The following PTPRK variants were observed in gnomAD, a reference collection of about 807,000 sequenced individuals.
PTPRK encodes the protein receptor-type tyrosine-protein phosphatase kappa.
A neutral mutation model predicts 178.0 loss-of-function variants in PTPRK; 75 were observed. The observed-to-expected ratio is 0.42, with a 90% CI of 0.35 to 0.51. The LOEUF (loss-of-function observed/expected upper bound fraction) is 0.51, where lower values mean the gene tolerates loss of function less well. Ranked by LOEUF, PTPRK falls within the 20% of genes least tolerant of loss-of-function variation. The probability of loss-of-function intolerance (pLI) is 0.02; values close to 1 mark genes in which losing one functional copy is unlikely to be tolerated. For missense variants in PTPRK, 1,441 were observed against 1,797.8 expected (o/e 0.80, Z 3.59); for synonymous variants, 637 against 620.6 (o/e 1.03, Z -0.39).
chr6:128,184,358 C>T (rs886412993), intron 7 of PTPRK, 74 bp downstream of exon 7: 17 of 1,412,374 alleles, frequency 1.2e-5, no homozygotes, highest in Middle Eastern at 2.4e-4. Flanking sequence ...TGAGAACCTT[C>T]AACACTGCAT....
At chr6:128,057,528 C>T (rs4897239) in intron 13 of PTPRK, among the ~76,000 whole-genome samples, 130,968 of 152,240 alleles carry the variant, frequency 0.86, 56,507 homozygotes, top group East Asian at 1. Flanking sequence ...CCTTAGGAAC[C>T]GAGTCTCTAA....
intron 13 of PTPRK, among the ~76,000 whole-genome samples, chr6:128,017,820 A>ATATATATATG (rs1472085698): frequency 7.2e-6 from 1 of 139,520 alleles, no homozygotes; most frequent in African/African-American, 2.6e-5. Context: ...ATATATATAT[A>ATATATATATG]TATATATATA....
At chr6:128,360,580 T>C (rs1335678251) in intron 2 of PTPRK, among the ~76,000 whole-genome samples, 2 of 152,146 alleles carry the variant, frequency 1.3e-5, no homozygotes, top group African/African-American at 4.8e-5. Context: ...AAGCCAGTAA[T>C]TCACCTCCAA....
At chr6:128,424,445 T>A (rs17055854) in intron 1 of PTPRK, among the ~76,000 whole-genome samples, 2 of 151,980 alleles carry the variant, frequency 1.3e-5, no homozygotes, top group African/African-American at 4.8e-5. Context: ...TACACTATTC[T>A]CAGTCGTATA....
At chr6:128,434,358 A>C (rs558310702) in intron 1 of PTPRK, among the ~76,000 whole-genome samples, 1 of 152,314 alleles carries the variant, frequency 6.6e-6, no homozygotes, top group South Asian at 2.1e-4. Flanking sequence ...CAGTTTCAAA[A>C]CGACTAATAA....
rs1376983192 is a variant in PTPRK, at chr6:128,242,541, T to C, written c.557A>G (p.Gln186Arg). 6.2e-7 allele frequency: 1 copy of C among 1,613,024 alleles called. No individual in the cohort carries two copies. Among genetic ancestry groups the C allele is most frequent in the Non-Finnish European group, 8.5e-7 (1 of 1,179,604 alleles). ...CCTACCACAAGGATAACTCAGTACT[T>C]GGATGTCATCAATGGCAATATAACC... is the stretch of plus-strand genomic sequence containing the variant. ...RSGYIAIDDI[Q>R]VLSYPCDKSP... Residue 186 changes from glutamine (Q) to arginine (R), a missense_variant, in exon 4 of 30, where the codon CAA becomes CGA. By Grantham distance (43) the Gln-to-Arg change is conservative (BLOSUM62 1). This residue lies in a region of PTPRK where 945 missense variants were observed against 1,080.6 expected (regional missense o/e 0.87). Coordinates refer to ENST00000368226, the MANE Select transcript of PTPRK (RefSeq NM_002844.4).
intron 2 of PTPRK, among the ~76,000 whole-genome samples, chr6:128,339,114 A>C (rs1432798568): frequency 6.6e-6 from 1 of 152,186 alleles, no homozygotes; most frequent in Non-Finnish European, 1.5e-5. Context: ...TTTATTATGG[A>C]GCATGGAATG....
chr6:128,331,102 AATTT>A (rs1283727888), intron 2 of PTPRK, among the ~76,000 whole-genome samples: 1 of 152,002 alleles, frequency 6.6e-6, no homozygotes, highest in Non-Finnish European at 1.5e-5. Flanking sequence ...CCACTTACTG[AATTT>A]ATTTGTTTAC....
chr6:128,220,229 A>C (rs150253420), intron 5 of PTPRK, among the ~76,000 whole-genome samples: 32 of 152,330 alleles, frequency 2.1e-4, no homozygotes, highest in Middle Eastern at 3.4e-3. Flanking sequence ...TCAAGGAATA[A>C]ATAGCCAGAA....
chr6:128,157,439 TA>T (rs1798094532), intron 7 of PTPRK, among the ~76,000 whole-genome samples: 1 of 152,012 alleles, frequency 6.6e-6, no homozygotes, highest in Admixed American at 6.6e-5. Context: ...CACAAACCTA[TA>T]AAGAATAACA....
At chr6:128,209,439 T>A (rs1470492095) in intron 6 of PTPRK, among the ~76,000 whole-genome samples, 2 of 152,090 alleles carry the variant, frequency 1.3e-5, no homozygotes, top group African/African-American at 4.8e-5. Context: ...TGCCCTTTAC[T>A]TATCTTCCAC....
chr6:128,129,930 T>C (rs1300497033), intron 7 of PTPRK, among the ~76,000 whole-genome samples: 1 of 152,176 alleles, frequency 6.6e-6, no homozygotes, highest in African/African-American at 2.4e-5. Flanking sequence ...CATTTCTCTA[T>C]ATCTTTTATG....
chr6:128,194,069 ATT>A (rs1804415633), intron 6 of PTPRK, among the ~76,000 whole-genome samples: 1 of 131,816 alleles, frequency 7.6e-6, no homozygotes. Flanking sequence ...TATATATATT[ATT>A]ATTATTATTA....
At chr6:128,173,939 A>G (rs1019154547) in intron 7 of PTPRK, among the ~76,000 whole-genome samples, 2 of 152,002 alleles carry the variant, frequency 1.3e-5, no homozygotes, top group African/African-American at 4.8e-5. Flanking sequence ...TCTTTAAAAA[A>G]TGTATTCCCT....
intron 26 of PTPRK, 70 bp downstream of exon 26, chr6:127,976,853 G>T: frequency 6.2e-7 from 1 of 1,609,590 alleles, no homozygotes; most frequent in Non-Finnish European, 8.5e-7. Context: ...GTATAAAGCA[G>T]ATTTTAGCAA....
intron 5 of PTPRK, chr6:128,235,447 G>T: frequency 2.2e-5 from 6 of 269,486 alleles, no homozygotes; most frequent in Non-Finnish European, 4.8e-5. Flanking sequence ...TTTCACTTTT[G>T]ATCTTATTTC....
intron 13 of PTPRK, among the ~76,000 whole-genome samples, chr6:128,021,800 G>A (rs930495618): frequency 6.6e-6 from 1 of 152,166 alleles, no homozygotes; most frequent in Non-Finnish European, 1.5e-5. Flanking sequence ...AAGGAGCAAG[G>A]CTTTCTGAAG....
chr6:128,340,827 T>G, intron 2 of PTPRK: 1 of 466,876 alleles, frequency 2.1e-6, no homozygotes, highest in Non-Finnish European at 4.2e-6. Flanking sequence ...GAAACATCAT[T>G]TGAGTTAATG....
chr6:128,025,818 C>T (rs939824050), intron 13 of PTPRK, among the ~76,000 whole-genome samples: 6 of 152,210 alleles, frequency 3.9e-5, no homozygotes, highest in Admixed American at 1.3e-4. Flanking sequence ...TCTGTCAAAT[C>T]TTCCTCTGCT....
Sources: allele counts gnomAD v4.1 joint callset (sites outside exome capture counted in the v4.1 genomes callset), GRCh38; gene constraint gnomAD v4.1.1; regional missense constraint gnomAD v4.1.1; transcripts MANE v1.5; gene names NCBI Gene and HGNC (gene_info 2026-07-23, HGNC 2026-07-21).